Variants in B3GALT2 observed in about 807,000 individuals in gnomAD.
B3GALT2 encodes UDP-Gal:betaGlcNAc beta 1,3-galactosyltransferase, polypeptide 2.
A neutral mutation model predicts 33.5 loss-of-function variants in B3GALT2; 13 were observed. The observed-to-expected ratio is 0.39, with a 90% CI of 0.25 to 0.62. B3GALT2 has a LOEUF of 0.62. B3GALT2 is among the 20% of genes least tolerant of loss of function. The pLI, the probability that B3GALT2 is intolerant of heterozygous loss-of-function variation, is 0.53. For missense variants in B3GALT2, 418 were observed against 509.1 expected, an observed-to-expected ratio of 0.82 and a Z score of 1.72; for synonymous variants, 195 against 172.7, an observed-to-expected ratio of 1.13 and a Z score of -1.01.
rs1676669998 is a variant in B3GALT2, at chr1:193,179,317, A to G, written c.*977T>C. 1 of 152,244 alleles carries G rather than the reference A, an allele frequency of 6.6e-6. No individual in the cohort carries two copies. The highest frequency in any genetic ancestry group is 2.4e-5 in the African/African-American group (1 of 41,472). 9.4% of individuals were successfully genotyped at this position (152,244 alleles called of 1,614,324 possible). Reference sequence around the variant, plus strand: ...AGGAAATAAACTTCCCGTATGTTGCATTTTGGCAGACATGCATCTTAAAAA... The same window carrying G: ...AGGAAATAAACTTCCCGTATGTTGCGTTTTGGCAGACATGCATCTTAAAAA... On this transcript the variant is annotated 3_prime_UTR_variant, in exon 2 of 2. Coordinates refer to ENST00000367434, the MANE Select transcript of B3GALT2 (RefSeq NM_003783.3).
rs28930673 is a variant in B3GALT2 at position 193,179,407 on chromosome 1, T to C, written c.*887A>G. ...CAACAGTACATCCTATTTGTGCCTTTAAGTGATTACTTTTGCTTCGATTAT... is the reference window on the plus strand; with the variant it reads ...CAACAGTACATCCTATTTGTGCCTTCAAGTGATTACTTTTGCTTCGATTAT... On this transcript the variant is annotated 3_prime_UTR_variant, in exon 2 of 2. Coordinates refer to ENST00000367434, the MANE Select transcript of B3GALT2 (RefSeq NM_003783.3). The C allele has an allele frequency of 0.045, 6,936 of 152,726 alleles. 157 individuals carry two copies. The highest frequency in any genetic ancestry group is 0.057 in the African/African-American group (2,387 of 41,564). 9.5% of individuals were successfully genotyped at this position (152,726 alleles called of 1,614,324 possible).
rs1390876823 is a variant in B3GALT2, at chr1:193,181,097, G to T, written c.466C>A (p.Leu156Ile). The T allele has an allele frequency of 2.8e-5, 45 of 1,613,878 alleles. No homozygotes were observed. Among genetic ancestry groups the T allele is most frequent in the Non-Finnish European group, 3.4e-5 (40 of 1,179,946 alleles). Residue 156 changes from leucine (L) to isoleucine (I), a missense_variant, in exon 2 of 2, where the codon CTA becomes ATA. This residue lies in a region of B3GALT2 where 188 missense variants were observed against 197.5 expected (regional missense o/e 0.95). Transcript: ENST00000367434. ...CQEKSPFLIL[L>I]IAAEPGQIEA... is the part of the protein sequence containing the mutation. ...ATTTGTCCAGGCTCTGCAGCTATTA[G>T]TAGTATTAAAAAAGGACTTTTCTCT...
At chr1:193,185,402 T>C (rs1348335724) in intron 1 of B3GALT2, among the ~76,000 whole-genome samples, 3 of 152,124 alleles carry the variant, frequency 2.0e-5, no homozygotes, top group African/African-American at 7.2e-5. Context: ...TGTGATCTTA[T>C]GTTAATGCTT....
At chr1:193,185,802 A>G (rs1021450824) in intron 1 of B3GALT2, among the ~76,000 whole-genome samples, 2 of 152,222 alleles carry the variant, frequency 1.3e-5, no homozygotes, top group East Asian at 1.9e-4. Flanking sequence ...TCTGATGTCT[A>G]TTACCCAGAA....
chr1:193,180,176 T>G lies in B3GALT2; in HGVS notation c.*118A>C. ...CTTCAGAAATTAAAAAAATACTTCT[T>G]GAATTTCTTTATGTGATGAGTTTTA... On this transcript the variant is annotated 3_prime_UTR_variant, in exon 2 of 2. Transcript: ENST00000367434. 1.2e-6 allele frequency: 1 copy of G among 860,174 alleles called. No homozygotes were observed. The highest frequency in any genetic ancestry group is 1.6e-6 in the Non-Finnish European group (1 of 606,566). 53.3% of individuals were successfully genotyped at this position (860,174 alleles called of 1,614,324 possible).
chr1:193,179,657 T>C lies in B3GALT2; in HGVS notation c.*637A>G, dbSNP rs1413516405. On this transcript the variant is annotated 3_prime_UTR_variant, in exon 2 of 2. Coordinates refer to ENST00000367434, the MANE Select transcript of B3GALT2 (RefSeq NM_003783.3). ...TTACCACGTCATGTCAAAATAATTT[T>C]CCCCCATATATTAATAAAAGAAAGT... 2 of 152,304 alleles carry C rather than the reference T, an allele frequency of 1.3e-5. No homozygotes were observed. Among genetic ancestry groups the C allele is most frequent in the Non-Finnish European group, 2.9e-5 (2 of 67,896 alleles). The allele number at this position is 152,304 out of a possible 1,614,324, so 9.4% of individuals were successfully genotyped here.
rs771225207 is a variant in B3GALT2, at chr1:193,181,586, T to A, written c.-24A>T. The A allele has an allele frequency of 3.9e-6, 6 of 1,534,722 alleles. No homozygotes were observed. The South Asian group carries it at 7.8e-5, about 20-fold the overall frequency. ...ATGTTGTAAATATCCAGTAGTGGTA[T>A]ATGAGAGATTGGTGACCAAAAATGT... On this transcript the variant is annotated 5_prime_UTR_variant, in exon 2 of 2. Transcript: ENST00000367434.
At position 193,180,239 on chromosome 1, in the gene B3GALT2, A is replaced by G. The variant is rs1164165959; in HGVS notation, c.*55T>C. ...CCTACGGATGTAATCAGTTCTAACT[A>G]TACATGCTTTTAGCAATATTTACAA... On this transcript the variant is annotated 3_prime_UTR_variant, in exon 2 of 2. Transcript: ENST00000367434. 4 of 1,465,068 alleles carry G rather than the reference A, an allele frequency of 2.7e-6. No individual in the cohort carries two copies. Among genetic ancestry groups the G allele is most frequent in the East Asian group, 4.6e-5 (2 of 43,762 alleles). The allele number at this position is 1,465,068 out of a possible 1,614,324, so 90.8% of individuals were successfully genotyped here.
chr1:193,180,695 G>A lies in B3GALT2; in HGVS notation c.868C>T (p.Arg290Ter), dbSNP rs748304059. 1.2e-6 allele frequency: 2 copies of A among 1,613,930 alleles called. No homozygotes were observed. Among genetic ancestry groups the A allele is most frequent in the African/African-American group, 1.3e-5 (1 of 74,906 alleles). Residue 290 changes from arginine (R) to a stop codon, truncating the protein, a stop_gained, in exon 2 of 2, where the codon CGA becomes TGA. Coordinates refer to ENST00000367434, the MANE Select transcript of B3GALT2 (RefSeq NM_003783.3). LOFTEE classifies it high-confidence loss of function. Reference protein sequence around the residue: ...GYLMRGYAPNRNKDSKWYMPP... With the variant: ...GYLMRGYAPN ...ATGTACCACTTGCTATCTTTGTTTC[G>A]ATTGGGTGCATATCCTCGCATTAGG... is the stretch of plus-strand genomic sequence containing the variant.
chr1:193,181,625 A>G lies in B3GALT2; in HGVS notation c.-63T>C, dbSNP rs552103345. ...GACCAAAAATGTTTTCTTCTCCTTA[A>G]TACTATTCTTTGGCAATCATTTTCT... On this transcript the variant is annotated 5_prime_UTR_variant, in exon 2 of 2. Transcript: ENST00000367434. 411 of 1,378,100 alleles carry G rather than the reference A, an allele frequency of 3.0e-4. 3 individuals are homozygous for G. Among genetic ancestry groups the G allele is most frequent in the Admixed American group, 2.4e-3 (102 of 42,996 alleles). The allele number at this position is 1,378,100 out of a possible 1,614,324, so 85.4% of individuals were successfully genotyped here.
At position 193,181,195 on chromosome 1, in the gene B3GALT2, T is replaced by C. The variant is rs1461673943; in HGVS notation, c.368A>G (p.Tyr123Cys). ...ENTLSANGSIYNEKGTGHPNS... is the reference protein window; with the variant it reads ...ENTLSANGSICNEKGTGHPNS... ...TGGATGTCCAGTACCTTTTTCATTGTAAATACTTCCATTGGCACTAAGTGT... is the reference window on the plus strand; with the variant it reads ...TGGATGTCCAGTACCTTTTTCATTGCAAATACTTCCATTGGCACTAAGTGT... Residue 123 changes from tyrosine (Y) to cysteine (C), a missense_variant, in exon 2 of 2, where the codon TAC becomes TGC. Physicochemically the swap from Tyr to Cys is radical, Grantham distance 194. This residue lies in a region of B3GALT2 where 188 missense variants were observed against 197.5 expected (regional missense o/e 0.95). Coordinates refer to ENST00000367434, the MANE Select transcript of B3GALT2 (RefSeq NM_003783.3). 6.2e-7 allele frequency: 1 copy of C among 1,613,938 alleles called. No homozygotes were observed. The highest frequency in any genetic ancestry group is 2.2e-5 in the East Asian group (1 of 44,886).
intron 1 of B3GALT2, among the ~76,000 whole-genome samples, 174 bp downstream of exon 1, chr1:193,185,845 C>G (rs1186224867): frequency 6.6e-6 from 1 of 152,122 alleles, no homozygotes; most frequent in African/African-American, 2.4e-5. Context: ...CTGCATAAAG[C>G]AGTGACAGCT....
Position 193,181,457 on chromosome 1 carries a change from G to T in B3GALT2, c.106C>A (p.Leu36Ile). 2 of 1,614,026 alleles carry T rather than the reference G, an allele frequency of 1.2e-6. No homozygotes were observed. Among genetic ancestry groups the T allele is most frequent in the South Asian group, 1.1e-5 (1 of 91,084 alleles). ...HLIGVLSLVF[L>I]FAMFLFFNHH... ...TTGAAAAACAAAAACATAGCAAAAA[G>T]AAACACTAGAGAAAGTACTCCAATA... The change falls in exon 2 of 2, where the codon CTT (leucine) becomes ATT (isoleucine). Residue 36 changes from leucine (L) to isoleucine (I), a missense_variant. By Grantham distance (5) the Leu-to-Ile change is conservative. Around this residue, in one of 3 missense-constraint regions of B3GALT2, gnomAD observed 188 missense variants for 197.5 expected, o/e 0.95. Coordinates refer to ENST00000367434, the MANE Select transcript of B3GALT2 (RefSeq NM_003783.3).
At chr1:193,185,382 C>A (rs10801187) in intron 1 of B3GALT2, among the ~76,000 whole-genome samples, 92,793 of 151,780 alleles carry the variant, frequency 0.61, 29,045 homozygotes, top group South Asian at 0.77. Context: ...CATAAACTCA[C>A]ACTACCTTAT....
chr1:193,181,980 T>G (rs1676725036), intron 1 of B3GALT2, among the ~76,000 whole-genome samples: 1 of 152,204 alleles, frequency 6.6e-6, no homozygotes, highest in African/African-American at 2.4e-5. Context: ...GTTGAATGTA[T>G]TCGAGAAAAA....
At chr1:193,182,812 T>G (rs1354318219) in intron 1 of B3GALT2, among the ~76,000 whole-genome samples, 1 of 152,060 alleles carries the variant, frequency 6.6e-6, no homozygotes, top group Admixed American at 6.6e-5. Flanking sequence ...GGAGTAGAGG[T>G]GGGCAAAGAG....
At position 193,181,558 on chromosome 1, in the gene B3GALT2, A is replaced by T. The variant is rs748648592; in HGVS notation, c.5T>A (p.Leu2His). The change falls in exon 2 of 2, where the codon CTT becomes CAT. Residue 2 changes from leucine to histidine, a missense_variant. Around this residue, in one of 3 missense-constraint regions of B3GALT2, gnomAD observed 188 missense variants for 197.5 expected, o/e 0.95. Transcript: ENST00000367434. M[L>H]QWRRRHCCFA... ...GCAGCAGTGTCTTCTCCTCCACTGA[A>T]GCATGTTGTAAATATCCAGTAGTGG... 6.3e-7 allele frequency: 1 copy of T among 1,580,862 alleles called. No homozygotes were observed.
At position 193,186,040 on chromosome 1, in the gene B3GALT2, T is replaced by C. The variant is rs1676800343; in HGVS notation, c.-142A>G. ...ATACCTTCCTTGGTCAGGCCATTTA[T>C]GTGAAGAGGATTATGCCCACTGAAA... On this transcript the variant is annotated 5_prime_UTR_variant, in exon 1 of 2. Coordinates refer to ENST00000367434, the MANE Select transcript of B3GALT2 (RefSeq NM_003783.3). 6.6e-6 allele frequency: 1 copy of C among 152,456 alleles called. No individual in the cohort carries two copies. The highest frequency in any genetic ancestry group is 1.5e-5 in the Non-Finnish European group (1 of 68,040). 9.4% of individuals were successfully genotyped at this position (152,456 alleles called of 1,614,324 possible). A position where few individuals can be genotyped will look rare whatever the true frequency, so the allele number is the denominator to read the frequency against.
chr1:193,181,482 A>C lies in B3GALT2; in HGVS notation c.81T>G (p.Leu27=). ...GAAACACTAGAGAAAGTACTCCAAT[A>C]AGATGAGTGCGGAACAGAGACCTTT... The part of the protein sequence containing the change: ...NAKRSLFRTH[L]IGVLSLVFLF... Residue 27 remains leucine (L), a synonymous_variant, in exon 2 of 2, where the codon CTT becomes CTG. Coordinates refer to ENST00000367434, the MANE Select transcript of B3GALT2 (RefSeq NM_003783.3). The C allele has an allele frequency of 6.2e-7, 1 of 1,614,020 alleles. No individual in the cohort carries two copies. Among genetic ancestry groups the C allele is most frequent in the Non-Finnish European group, 8.5e-7 (1 of 1,179,904 alleles).
Sources: allele counts gnomAD v4.1 joint callset (sites outside exome capture counted in the v4.1 genomes callset), GRCh38; gene constraint gnomAD v4.1.1; regional missense constraint gnomAD v4.1.1; transcripts MANE v1.5; gene names NCBI Gene and HGNC (gene_info 2026-07-23, HGNC 2026-07-21).